Variants in NCKAP5 observed in about 807,000 individuals in gnomAD.
The protein encoded by NCKAP5 is NCK associated protein 5.
A neutral mutation model predicts 167.0 loss-of-function variants in NCKAP5; 92 were observed. The observed-to-expected ratio is 0.55, with a 90% CI of 0.47 to 0.66. The LOEUF (loss-of-function observed/expected upper bound fraction) is 0.66. Among genes scored for constraint, NCKAP5 ranks in the 30% least tolerant of loss-of-function variants. NCKAP5 has a pLI of 0.00. For missense variants in NCKAP5, 2,378 were observed against 2,315.0 expected, an observed-to-expected ratio of 1.03 and a Z score of -0.56; for synonymous variants, 891 against 877.4, an observed-to-expected ratio of 1.02 and a Z score of -0.27.
intron 3 of NCKAP5, among the ~76,000 whole-genome samples, chr2:133,368,765 T>C (rs1685610206): frequency 6.6e-6 from 1 of 152,216 alleles, no homozygotes. Context: ...GCTATCTATT[T>C]AAGTAACTGC....
intron 19 of NCKAP5, among the ~76,000 whole-genome samples, chr2:132,678,738 T>A (rs1205922315): frequency 1.3e-5 from 2 of 152,136 alleles, no homozygotes; most frequent in Non-Finnish European, 2.9e-5. Flanking sequence ...TTAGTCCACA[T>A]ATATGTGGCT....
chr2:133,252,800 G>C (rs2088416764), intron 4 of NCKAP5, among the ~76,000 whole-genome samples: 2 of 152,190 alleles, frequency 1.3e-5, no homozygotes, highest in African/African-American at 4.8e-5. Flanking sequence ...TATAGTGCAT[G>C]ATGCCCATAA....
chr2:133,658,929 T>C, the NCKAP5 span, among the ~76,000 whole-genome samples: 2 of 151,952 alleles, frequency 1.3e-5, no homozygotes, highest in Non-Finnish European at 2.9e-5. Context: ...TGTTATGAGC[T>C]TTTAAAAAAT....
intron 6 of NCKAP5, among the ~76,000 whole-genome samples, chr2:133,113,492 A>T (rs1165591955): frequency 6.6e-6 from 1 of 152,194 alleles, no homozygotes; most frequent in Non-Finnish European, 1.5e-5. Flanking sequence ...CAGGCACAAA[A>T]TGCCAAGCTC....
chr2:133,362,827 C>T (rs2150874855), intron 3 of NCKAP5, among the ~76,000 whole-genome samples: 1 of 152,214 alleles, frequency 6.6e-6, no homozygotes, highest in Admixed American at 6.5e-5. Context: ...GATCTCAGCT[C>T]ACTGCAAGCT....
chr2:133,266,939 C>T (rs2089265231), intron 4 of NCKAP5, among the ~76,000 whole-genome samples: 1 of 152,086 alleles, frequency 6.6e-6, no homozygotes, highest in African/African-American at 2.4e-5. Flanking sequence ...ACCCCCTACC[C>T]ACTCCCCCTC....
intron 8 of NCKAP5, among the ~76,000 whole-genome samples, chr2:132,882,815 C>T (rs1280543522): frequency 6.6e-6 from 1 of 152,134 alleles, no homozygotes; most frequent in African/African-American, 2.4e-5. Flanking sequence ...CCCTCTCCTG[C>T]CTCGTTCCTT....
chr2:133,201,531 T>A (rs1359169826), intron 5 of NCKAP5, among the ~76,000 whole-genome samples: 5 of 152,268 alleles, frequency 3.3e-5, no homozygotes, highest in Middle Eastern at 3.4e-3. Flanking sequence ...ACATAAAGTA[T>A]ATCAATGATT....
chr2:133,138,646 G>A (rs1012609586), intron 5 of NCKAP5, among the ~76,000 whole-genome samples: 2 of 152,058 alleles, frequency 1.3e-5, no homozygotes, highest in African/African-American at 2.4e-5. Flanking sequence ...TACTGTCTCC[G>A]GACCTACTTC....
chr2:133,389,133 T>C (rs1027249151), intron 3 of NCKAP5, among the ~76,000 whole-genome samples: 4 of 152,344 alleles, frequency 2.6e-5, no homozygotes, highest in African/African-American at 9.6e-5. Flanking sequence ...TCACTCATGC[T>C]GGGAGCTGTA....
At chr2:133,347,548 C>T (rs1670030983) in intron 3 of NCKAP5, among the ~76,000 whole-genome samples, 1 of 151,126 alleles carries the variant, frequency 6.6e-6, no homozygotes, top group African/African-American at 2.4e-5. Context: ...AGTGAAACTC[C>T]ATCTCAAAAA....
At chr2:133,446,464 A>T (rs907847557) in intron 3 of NCKAP5, among the ~76,000 whole-genome samples, 1 of 152,140 alleles carries the variant, frequency 6.6e-6, no homozygotes, top group Non-Finnish European at 1.5e-5. Context: ...CAACTTTTGG[A>T]GCTAGGTAAT....
chr2:133,511,625 A>C (rs1480424615), intron 3 of NCKAP5, among the ~76,000 whole-genome samples: 1 of 152,248 alleles, frequency 6.6e-6, no homozygotes, highest in African/African-American at 2.4e-5. Context: ...TCTCCTAAAA[A>C]TGGCCTTCAC....
At chr2:133,155,483 T>A (rs898567976) in intron 5 of NCKAP5, among the ~76,000 whole-genome samples, 1 of 152,186 alleles carries the variant, frequency 6.6e-6, no homozygotes, top group Non-Finnish European at 1.5e-5. Flanking sequence ...GGAAGGTTAC[T>A]GAGCTACTTC....
chr2:133,112,347 G>A (rs1210171111), intron 6 of NCKAP5, among the ~76,000 whole-genome samples: 1 of 152,062 alleles, frequency 6.6e-6, no homozygotes, highest in Non-Finnish European at 1.5e-5. Context: ...GGCAGCATGT[G>A]CCTGTAGTCC....
rs1049945263 is a variant in NCKAP5 at position 133,382,370 on chromosome 2, A to C, written c.70-79260T>G. ...AATCTGTTCACCACACAGTACCTAG[A>C]GTGACTTTTTGCAAATCAGAATGGT... is the stretch of plus-strand genomic sequence containing the variant. On this transcript the variant is annotated intron_variant, in intron 3 of 19. Coordinates refer to ENST00000409261, the MANE Select transcript of NCKAP5 (RefSeq NM_207363.3). Among the ~76,000 whole-genome samples the C allele has an allele frequency of 3.7e-4, 56 of 152,176 alleles. 1 individual carries two copies. The highest frequency in any genetic ancestry group is 1.1e-3 in the African/African-American group (44 of 41,446).
chr2:133,512,318 G>T (rs577762728), intron 3 of NCKAP5, among the ~76,000 whole-genome samples: 1 of 152,034 alleles, frequency 6.6e-6, no homozygotes, highest in African/African-American at 2.4e-5. Context: ...CTGCCTGCCC[G>T]CATATCACAT....
At chr2:132,732,959 C>A (rs1691170189) in intron 16 of NCKAP5, among the ~76,000 whole-genome samples, 1 of 152,210 alleles carries the variant, frequency 6.6e-6, no homozygotes, top group Admixed American at 6.5e-5. Context: ...CTTTCACTCT[C>A]ACTTTATTCA....
At chr2:133,594,183 G>A in the NCKAP5 span, among the ~76,000 whole-genome samples, 1 of 152,226 alleles carries the variant, frequency 6.6e-6, no homozygotes, top group African/African-American at 2.4e-5. Flanking sequence ...CATTGCAGCC[G>A]TGGGACTCTC....
Sources: allele counts gnomAD v4.1 joint callset (sites outside exome capture counted in the v4.1 genomes callset), GRCh38; gene constraint gnomAD v4.1.1; transcripts MANE v1.5; gene names NCBI Gene and HGNC (gene_info 2026-07-23, HGNC 2026-07-21).